Variants in CACNA2D3 observed in about 807,000 individuals in gnomAD.
CACNA2D3 encodes the protein calcium voltage-gated channel auxiliary subunit alpha2delta 3, also known as voltage-dependent calcium channel subunit alpha-2/delta-3.
A neutral mutation model predicts 160.6 loss-of-function variants in CACNA2D3; 60 were observed. The ratio of observed to expected loss-of-function variants is 0.37; its 90% CI spans 0.30 to 0.46. The LOEUF (loss-of-function observed/expected upper bound fraction) is 0.46. CACNA2D3 is among the 20% of genes least tolerant of loss of function. CACNA2D3 has a pLI of 1.00. For synonymous variants in CACNA2D3, 558 were observed against 492.9 expected (o/e 1.13, Z -1.75); for missense variants, 1,205 against 1,365.0 (o/e 0.88, Z 1.85).
intron 2 of CACNA2D3, among the ~76,000 whole-genome samples, chr3:54,270,495 T>C (rs932247736): frequency 2.0e-5 from 3 of 152,224 alleles, no homozygotes; most frequent in African/African-American, 7.2e-5. Flanking sequence ...CAACCATCCG[T>C]AGGAGACCCA....
chr3:55,022,792 G>A (rs996202109), intron 35 of CACNA2D3, among the ~76,000 whole-genome samples: 9 of 150,060 alleles, frequency 6.0e-5, no homozygotes, highest in African/African-American at 1.2e-4. Flanking sequence ...GTTTCAATTG[G>A]TGAGGATCTC....
At chr3:54,415,030 A>AG in intron 4 of CACNA2D3, among the ~76,000 whole-genome samples, 1 of 152,230 alleles carries the variant, frequency 6.6e-6, no homozygotes, top group African/African-American at 2.4e-5. Flanking sequence ...AACTTTGTAA[A>AG]GGGGGCATTT....
intron 4 of CACNA2D3, among the ~76,000 whole-genome samples, chr3:54,447,972 A>G (rs1259075700): frequency 6.6e-6 from 1 of 152,218 alleles, no homozygotes; most frequent in Non-Finnish European, 1.5e-5. Context: ...GAAGTGACAG[A>G]AAACTCCACA....
intron 3 of CACNA2D3, among the ~76,000 whole-genome samples, chr3:54,350,985 TG>T (rs1293964696): frequency 0.012 from 491 of 41,850 alleles, 91 homozygotes; most frequent in African/African-American, 0.025. Context: ...TTTTTTTGTT[TG>T]TTTTTTTTTT....
intron 2 of CACNA2D3, among the ~76,000 whole-genome samples, chr3:54,233,533 C>T (rs879544672): frequency 6.6e-6 from 1 of 152,212 alleles, no homozygotes; most frequent in Admixed American, 6.5e-5. Context: ...CTTCTGTGGC[C>T]TTCCACACCA....
intron 29 of CACNA2D3, among the ~76,000 whole-genome samples, chr3:54,971,567 C>T (rs186345520): frequency 1.7e-4 from 26 of 152,112 alleles, no homozygotes; most frequent in Non-Finnish European, 2.9e-4. Context: ...CGTAGTTGGT[C>T]GATTGATTGG....
At chr3:54,495,202 G>GT (rs1286856116) in intron 4 of CACNA2D3, among the ~76,000 whole-genome samples, 1 of 152,086 alleles carries the variant, frequency 6.6e-6, no homozygotes, top group Non-Finnish European at 1.5e-5. Context: ...AAAGTATGAT[G>GT]TTTTTATTTC....
chr3:54,188,256 CAAA>C lies in CACNA2D3; in HGVS notation c.204+64663_204+64665del, dbSNP rs1410056466. On this transcript the variant is annotated intron_variant, in intron 2 of 37. Transcript: ENST00000474759. ...ACAAACAAACAAACAAACAAACAAA[CAAA>C]CAAACAAACAAAAAAACCAGTAGCA... Among the ~76,000 whole-genome samples the C allele has an allele frequency of 3.4e-3, 510 of 151,620 alleles. 3 individuals carry two copies. Among genetic ancestry groups the C allele is most frequent in the African/African-American group, 0.011 (461 of 41,220 alleles).
intron 17 of CACNA2D3, among the ~76,000 whole-genome samples, chr3:54,849,566 A>G (rs1230122995): frequency 6.6e-6 from 1 of 152,240 alleles, no homozygotes; most frequent in Non-Finnish European, 1.5e-5. Flanking sequence ...CATCCTGGCC[A>G]GAGCTCTCAG....
chr3:54,551,173 G>C (rs991192467), intron 5 of CACNA2D3, among the ~76,000 whole-genome samples: 4 of 151,822 alleles, frequency 2.6e-5, no homozygotes, highest in African/African-American at 9.7e-5. Flanking sequence ...CAGGCACTTA[G>C]ACTTCTTTTG....
chr3:54,286,073 G>C (rs1376282976), intron 2 of CACNA2D3, among the ~76,000 whole-genome samples: 2 of 152,228 alleles, frequency 1.3e-5, no homozygotes, highest in African/African-American at 4.8e-5. Flanking sequence ...AACAAAGCTG[G>C]ATGGAGAATG....
At chr3:54,908,908 C>T (rs950150078) in intron 27 of CACNA2D3, among the ~76,000 whole-genome samples, 1 of 152,202 alleles carries the variant, frequency 6.6e-6, no homozygotes. Flanking sequence ...CCTGCTCCTT[C>T]ACAGAAAAAG....
intron 32 of CACNA2D3, 120 bp downstream of exon 32, chr3:55,004,958 G>T (rs1375598091): frequency 3.2e-6 from 2 of 633,198 alleles, no homozygotes; most frequent in Non-Finnish European, 2.7e-6. Context: ...TGAACATTTT[G>T]ACTTTACTCA....
chr3:54,411,922 A>G (rs1699674066), intron 4 of CACNA2D3, among the ~76,000 whole-genome samples: 1 of 152,216 alleles, frequency 6.6e-6, no homozygotes, highest in African/African-American at 2.4e-5. Context: ...TAAAATTTGC[A>G]TACAGTACAA....
rs529058548 is a variant in CACNA2D3 at position 54,366,279 on chromosome 3, T to C, written c.322-20436T>C. Among the ~76,000 whole-genome samples, 4 of 152,298 alleles carry C rather than the reference T, an allele frequency of 2.6e-5. No homozygotes were observed. The East Asian group carries it at 7.7e-4, about 29-fold the overall frequency. ...AATGAGTCTAGTCAGAGACACCACATGTGGAAAAGACCTGCATGCTTATTG... is the reference window on the plus strand; with the variant it reads ...AATGAGTCTAGTCAGAGACACCACACGTGGAAAAGACCTGCATGCTTATTG... On this transcript the variant is annotated intron_variant, in intron 3 of 37. Coordinates refer to ENST00000474759, the MANE Select transcript of CACNA2D3 (RefSeq NM_018398.3).
At chr3:54,261,807 A>T (rs184981720) in intron 2 of CACNA2D3, among the ~76,000 whole-genome samples, 2 of 152,344 alleles carry the variant, frequency 1.3e-5, no homozygotes, top group East Asian at 3.9e-4. Flanking sequence ...GTGACCCAAA[A>T]TACACAGTTA....
At chr3:54,525,017 A>T (rs1161615719) in intron 5 of CACNA2D3, among the ~76,000 whole-genome samples, 1 of 152,232 alleles carries the variant, frequency 6.6e-6, no homozygotes, top group African/African-American at 2.4e-5. Context: ...TTAGCATAGC[A>T]TATATTCATA....
At chr3:54,268,178 T>G (rs1702555367) in intron 2 of CACNA2D3, among the ~76,000 whole-genome samples, 1 of 152,152 alleles carries the variant, frequency 6.6e-6, no homozygotes, top group Admixed American at 6.5e-5. Flanking sequence ...ATATGACAAA[T>G]TTTTAATGGG....
intron 31 of CACNA2D3, among the ~76,000 whole-genome samples, chr3:54,992,982 T>G (rs929757469): frequency 1.3e-5 from 2 of 152,060 alleles, no homozygotes; most frequent in Non-Finnish European, 2.9e-5. Context: ...GGAGGAGATG[T>G]GCTAAACACC....
Sources: allele counts gnomAD v4.1 joint callset (sites outside exome capture counted in the v4.1 genomes callset), GRCh38; gene constraint gnomAD v4.1.1; transcripts MANE v1.5; gene names NCBI Gene and HGNC (gene_info 2026-07-23, HGNC 2026-07-21).